LAPTM4B: variants seen among roughly 807,000 people sequenced by gnomAD.
LAPTM4B encodes the protein lysosomal protein transmembrane 4 beta.
Under a neutral mutation model 28.5 loss-of-function variants are expected in LAPTM4B, and 26 were observed. The ratio of observed to expected loss-of-function variants is 0.91; its 90% CI spans 0.67 to 1.27. The LOEUF (loss-of-function observed/expected upper bound fraction) is 1.27. Ranked by LOEUF, LAPTM4B falls within the 50% of genes most tolerant of loss-of-function variation. The pLI, the probability that LAPTM4B is intolerant of heterozygous loss-of-function variation, is 0.00. For synonymous variants in LAPTM4B, 109 were observed against 106.4 expected, an observed-to-expected ratio of 1.02 and a Z score of -0.15; for missense variants, 288 against 285.8, an observed-to-expected ratio of 1.01 and a Z score of -0.06.
chr8:97,814,862 T>G (rs1215847256), intron 2 of LAPTM4B, among the ~76,000 whole-genome samples: 5 of 152,054 alleles, frequency 3.3e-5, no homozygotes, highest in Non-Finnish European at 5.9e-5. Context: ...CCCGGCTAAT[T>G]TTTTGTATTT....
chr8:97,782,946 A>ATTTAT (rs1816345174), intron 1 of LAPTM4B, among the ~76,000 whole-genome samples: 1 of 141,938 alleles, frequency 7.0e-6, no homozygotes. Context: ...TTATTTATTT[A>ATTTAT]TTTTTTAGTA....
intron 5 of LAPTM4B, 130 bp from the exon 6 acceptor site, chr8:97,824,928 A>T: frequency 1.8e-6 from 1 of 553,842 alleles, no homozygotes; most frequent in East Asian, 3.0e-5. Context: ...TTGGTTTAGT[A>T]GAGCTGTTAT....
Position 97,816,152 on chromosome 8 carries a change from A to G in LAPTM4B, c.380A>G (p.Asn127Ser). ...LVAITVLIYP[N>S]SIQEYIRQLP... is the part of the protein sequence containing the mutation. ...GCAATCACTGTGCTTATTTATCCAAACTCCATTCAGGAATACATACGGCAA... is the reference window on the plus strand; with the variant it reads ...GCAATCACTGTGCTTATTTATCCAAGCTCCATTCAGGAATACATACGGCAA... The change falls in exon 4 of 7, where the codon AAC becomes AGC. Residue 127 changes from asparagine to serine, a missense_variant. Physicochemically the swap from Asn to Ser is conservative, Grantham distance 46. Transcript: ENST00000521545. 1 of 1,613,114 alleles carries G rather than the reference A, an allele frequency of 6.2e-7. No individual in the cohort carries two copies. Among genetic ancestry groups the G allele is most frequent in the Non-Finnish European group, 8.5e-7 (1 of 1,179,766 alleles).
chr8:97,848,525 AAGT>A (rs1817466183), intron 6 of LAPTM4B, among the ~76,000 whole-genome samples: 3 of 151,998 alleles, frequency 2.0e-5, no homozygotes, highest in Non-Finnish European at 4.4e-5. Flanking sequence ...TTTACCTTTT[AAGT>A]AGCTCTACAG....
At chr8:97,822,462 T>A (rs1327522192) in intron 5 of LAPTM4B, among the ~76,000 whole-genome samples, 1 of 151,996 alleles carries the variant, frequency 6.6e-6, no homozygotes, top group Non-Finnish European at 1.5e-5. Context: ...TTGTACTTAT[T>A]TGAAATGCCC....
At chr8:97,848,591 G>A (rs983987083) in intron 6 of LAPTM4B, among the ~76,000 whole-genome samples, 1 of 151,234 alleles carries the variant, frequency 6.6e-6, no homozygotes, top group African/African-American at 2.4e-5. Flanking sequence ...AGGCTGAAGT[G>A]GGAGGATCAC....
At chr8:97,783,537 A>C (rs903319098) in intron 1 of LAPTM4B, among the ~76,000 whole-genome samples, 27 of 152,236 alleles carry the variant, frequency 1.8e-4, no homozygotes, top group African/African-American at 6.5e-4. Flanking sequence ...TGAAATAAAC[A>C]GCCAGGCTTT....
intron 6 of LAPTM4B, among the ~76,000 whole-genome samples, chr8:97,847,989 C>A (rs988378054): frequency 1.3e-5 from 2 of 152,202 alleles, no homozygotes; most frequent in African/African-American, 4.8e-5. Context: ...ACTGGCTGGG[C>A]ATGGTGGCTC....
rs768924138 is a variant in LAPTM4B, at chr8:97,775,998, G to A, written c.-12G>A. The A allele has an allele frequency of 1.3e-6, 2 of 1,570,336 alleles. No homozygotes were observed. Among genetic ancestry groups the A allele is most frequent in the East Asian group, 2.6e-5 (1 of 38,712 alleles). Reference sequence around the variant, plus strand: ...AACTTGCGCGCGCGCTCGCGCCACTGCGCCCGGAGCGATGAAGATGGTCGC... The same window carrying A: ...AACTTGCGCGCGCGCTCGCGCCACTACGCCCGGAGCGATGAAGATGGTCGC... On this transcript the variant is annotated 5_prime_UTR_variant, in exon 1 of 7. Coordinates refer to ENST00000521545, the MANE Select transcript of LAPTM4B (RefSeq NM_018407.6).
intron 6 of LAPTM4B, among the ~76,000 whole-genome samples, chr8:97,830,712 G>A (rs1472603902): frequency 6.6e-6 from 1 of 152,122 alleles, no homozygotes; most frequent in Non-Finnish European, 1.5e-5. Context: ...TAGACGGACC[G>A]TGGTTGGAGT....
intron 1 of LAPTM4B, among the ~76,000 whole-genome samples, chr8:97,785,176 C>G (rs891071559): frequency 6.6e-6 from 1 of 151,918 alleles, no homozygotes; most frequent in African/African-American, 2.4e-5. Flanking sequence ...ACCTCCACCT[C>G]CCGGGTTCAA....
chr8:97,791,977 C>T (rs977469585), intron 1 of LAPTM4B, among the ~76,000 whole-genome samples: 1 of 152,104 alleles, frequency 6.6e-6, no homozygotes, highest in African/African-American at 2.4e-5. Flanking sequence ...GTTGACTGAA[C>T]TGGTGAATCA....
At chr8:97,845,119 A>G (rs1317191534) in intron 6 of LAPTM4B, among the ~76,000 whole-genome samples, 1 of 152,140 alleles carries the variant, frequency 6.6e-6, no homozygotes, top group East Asian at 1.9e-4. Context: ...TCAATGTGAG[A>G]TGCCTTTTGA....
intron 1 of LAPTM4B, among the ~76,000 whole-genome samples, chr8:97,787,287 C>CTT (rs777122592): frequency 0.26 from 33,023 of 129,282 alleles, 4,897 homozygotes; most frequent in South Asian, 0.34. Flanking sequence ...ATGTTTCTTT[C>CTT]TTTTTTTTTT....
chr8:97,783,649 T>G (rs764372417), intron 1 of LAPTM4B, among the ~76,000 whole-genome samples: 1 of 152,174 alleles, frequency 6.6e-6, no homozygotes, highest in Non-Finnish European at 1.5e-5. Context: ...TAGAGAAGTT[T>G]ACCACATACC....
intron 1 of LAPTM4B, among the ~76,000 whole-genome samples, chr8:97,788,525 C>T (rs1816443092): frequency 6.6e-6 from 1 of 152,078 alleles, no homozygotes; most frequent in Admixed American, 6.5e-5. Context: ...CTGAGGTTAA[C>T]AGGTATGAGC....
Position 97,816,143 on chromosome 8 carries a change from T to C in LAPTM4B, c.371T>C (p.Ile124Thr). ...LNMLVAITVLIYPNSIQEYIR... is the reference protein window; with the variant it reads ...LNMLVAITVLTYPNSIQEYIR... ...ATGTTGGTTGCAATCACTGTGCTTA[T>C]TTATCCAAACTCCATTCAGGAATAC... The change falls in exon 4 of 7, where the codon ATT becomes ACT. Residue 124 changes from isoleucine (I) to threonine (T), a missense_variant. Physicochemically the swap from Ile to Thr is moderately conservative, Grantham distance 89. Transcript: ENST00000521545. 1 of 1,613,852 alleles carries C rather than the reference T, an allele frequency of 6.2e-7. No individual in the cohort carries two copies. Among genetic ancestry groups the C allele is most frequent in the Non-Finnish European group, 8.5e-7 (1 of 1,179,886 alleles).
At chr8:97,830,998 G>C (rs1817176065) in intron 6 of LAPTM4B, among the ~76,000 whole-genome samples, 1 of 152,162 alleles carries the variant, frequency 6.6e-6, no homozygotes, top group African/African-American at 2.4e-5. Flanking sequence ...GTGGGTTCTT[G>C]AAGGGTGGCT....
intron 1 of LAPTM4B, among the ~76,000 whole-genome samples, chr8:97,790,315 ATT>A (rs762190127): frequency 9.3e-5 from 13 of 140,238 alleles, no homozygotes; most frequent in Admixed American, 2.2e-4. Context: ...TGGTTGTATA[ATT>A]TTTTTTTTTT....
Sources: gnomAD v4.1 joint callset for allele counts (sites outside exome capture counted in the v4.1 genomes callset) on GRCh38, gnomAD v4.1.1 for gene constraint, MANE v1.5 for transcripts, NCBI Gene and HGNC (gene_info 2026-07-23, HGNC 2026-07-21) for gene names.